Variants in CDS1 observed in about 807,000 individuals in gnomAD.
CDS1 encodes phosphatidate cytidylyltransferase 1.
In CDS1, 41 loss-of-function variants were observed where a neutral mutation model predicts 62.1. The observed-to-expected ratio is 0.66, with a 90% confidence interval of 0.51 to 0.86. The LOEUF is 0.86. CDS1 is among the 40% of genes least tolerant of loss of function. The probability of loss-of-function intolerance (pLI) is 0.00; values close to 1 mark genes in which losing one functional copy is unlikely to be tolerated. For missense variants in CDS1, 470 were observed against 550.1 expected (o/e 0.85, Z 1.46); for synonymous variants, 185 against 192.6 (o/e 0.96, Z 0.32).
chr4:84,637,933 A>T (rs968998413), intron 8 of CDS1, among the ~76,000 whole-genome samples: 7 of 152,186 alleles, frequency 4.6e-5, no homozygotes. Context: ...CAGAATTGTT[A>T]TCAGATTTGT....
chr4:84,648,750 TATAA>T lies in CDS1; in HGVS notation c.*67_*70del. 6.7e-7 allele frequency: 1 copy of T among 1,503,400 alleles called. No homozygotes were observed. The highest frequency in any genetic ancestry group is 9.0e-7 in the Non-Finnish European group (1 of 1,110,216). The allele number at this position is 1,503,400 out of a possible 1,614,324, so 93.1% of individuals were successfully genotyped here. On this transcript the variant is annotated 3_prime_UTR_variant, in exon 13 of 13. Transcript: ENST00000295887. The stretch of plus-strand genomic sequence containing the variant: ...TTCAGAAAAACACTGACAGATGTTT[TATAA>T]ATTGTACAGAAAAATAGTTAAAAAT...
intron 1 of CDS1, 137 bp downstream of exon 1, chr4:84,583,655 G>A (rs1339467809): frequency 1.8e-6 from 1 of 566,668 alleles, no homozygotes; most frequent in South Asian, 2.2e-5. Context: ...TCCCTGCCTG[G>A]CACTGCTTCC....
rs1218912552 is a variant in CDS1, at chr4:84,649,098, GT to G, written c.*416del. 1 of 155,250 alleles carries G rather than the reference GT, an allele frequency of 6.4e-6. No homozygotes were observed. Among genetic ancestry groups the G allele is most frequent in the African/African-American group, 2.4e-5 (1 of 41,332 alleles). The allele number at this position is 155,250 out of a possible 1,614,324, so 9.6% of individuals were successfully genotyped here. On this transcript the variant is annotated 3_prime_UTR_variant, in exon 13 of 13. Transcript: ENST00000295887. ...GAGCTGCTTTTAATTTTAGCAAAATGTTTTATGCAAGGCACAATAGGAAGTC... is the reference window on the plus strand; with the variant it reads ...GAGCTGCTTTTAATTTTAGCAAAATGTTTATGCAAGGCACAATAGGAAGTC...
chr4:84,589,792 TGGTTTAAG>T (rs900061793), intron 1 of CDS1, among the ~76,000 whole-genome samples: 1 of 152,086 alleles, frequency 6.6e-6, no homozygotes, highest in Non-Finnish European at 1.5e-5. Flanking sequence ...ATTGGAAGTT[TGGTTTAAG>T]GCAGGTCTTT....
intron 8 of CDS1, among the ~76,000 whole-genome samples, chr4:84,638,349 A>G (rs1461214402): frequency 1.3e-5 from 2 of 152,232 alleles, no homozygotes; most frequent in African/African-American, 4.8e-5. Flanking sequence ...AAGAGAGGAT[A>G]TGTCAATACT....
At chr4:84,627,303 C>T (rs995520644) in intron 5 of CDS1, among the ~76,000 whole-genome samples, 2 of 152,148 alleles carry the variant, frequency 1.3e-5, no homozygotes, top group Non-Finnish European at 2.9e-5. Context: ...TACAAAATGT[C>T]TCACTGACTA....
At chr4:84,589,617 A>G (rs1297106334) in intron 1 of CDS1, among the ~76,000 whole-genome samples, 1 of 152,184 alleles carries the variant, frequency 6.6e-6, no homozygotes, top group Non-Finnish European at 1.5e-5. Context: ...CAGCATATTC[A>G]TTTCATTTAA....
intron 1 of CDS1, among the ~76,000 whole-genome samples, chr4:84,596,156 T>A (rs1219436991): frequency 6.6e-6 from 1 of 152,184 alleles, no homozygotes; most frequent in East Asian, 1.9e-4. Flanking sequence ...TGGGTGAGAC[T>A]GCTGGGTGAA....
chr4:84,596,226 G>A (rs1478265351), intron 1 of CDS1, among the ~76,000 whole-genome samples: 1 of 152,164 alleles, frequency 6.6e-6, no homozygotes, highest in African/African-American at 2.4e-5. Flanking sequence ...AAAATGGGCT[G>A]AGGAGCTCCC....
intron 5 of CDS1, among the ~76,000 whole-genome samples, chr4:84,630,105 C>CAGCATAG (rs1401121379): frequency 1.2e-4 from 19 of 152,240 alleles, no homozygotes; most frequent in African/African-American, 4.1e-4. Context: ...GGCACAAAAA[C>CAGCATAG]AGCATAGAAA....
intron 1 of CDS1, among the ~76,000 whole-genome samples, chr4:84,586,492 C>T (rs1003589694): frequency 1.3e-5 from 2 of 152,138 alleles, no homozygotes; most frequent in South Asian, 2.1e-4. Flanking sequence ...CAACAGGGTT[C>T]AAGCTCCTGT....
At position 84,635,624 on chromosome 4, in the gene CDS1, TGCCTTCCTTCCTTCC is replaced by T. The variant is rs1560481568; in HGVS notation, c.810+274_810+288del. ...CTGCCTGCCTGCCTGCCTGCCTGCC[TGCCTTCCTTCCTTCC>T]TTCCTTCCTTCCTTCCTTCCTTCCT... is the stretch of plus-strand genomic sequence containing the variant. On this transcript the variant is annotated intron_variant, in intron 8 of 12. Coordinates refer to ENST00000295887, the MANE Select transcript of CDS1 (RefSeq NM_001263.4). 6.6e-3 allele frequency among the ~76,000 whole-genome samples: 715 copies of T among 108,262 alleles called. 18 individuals carry two copies. Among genetic ancestry groups the T allele is most frequent in the South Asian group, 0.013 (36 of 2,750 alleles). The allele number at this position is 108,262 out of a possible 152,430, so 71.0% of individuals were successfully genotyped here. A position where few individuals can be genotyped will look rare whatever the true frequency, so the allele number is the denominator to read the frequency against.
chr4:84,626,172 AAAAC>A (rs373923054), intron 5 of CDS1, among the ~76,000 whole-genome samples: 45 of 152,318 alleles, frequency 3.0e-4, no homozygotes, highest in East Asian at 1.9e-3. Flanking sequence ...CATTTCAAAA[AAAAC>A]AAACAAACAA....
chr4:84,583,310 G>A lies in CDS1; in HGVS notation c.-92G>A. On this transcript the variant is annotated 5_prime_UTR_variant, in exon 1 of 13. Coordinates refer to ENST00000295887, the MANE Select transcript of CDS1 (RefSeq NM_001263.4). ...CCGCGGGACTCCAGGGCGCGGCTGC[G>A]AGGTGGCGGGGCGCCCCGCCTGCAG... The A allele has an allele frequency of 2.2e-6, 2 of 896,634 alleles. No individual in the cohort carries two copies. The highest frequency in any genetic ancestry group is 3.4e-6 in the Non-Finnish European group (2 of 580,158). The allele number at this position is 896,634 out of a possible 1,614,324, so 55.5% of individuals were successfully genotyped here.
intron 3 of CDS1, among the ~76,000 whole-genome samples, chr4:84,611,546 GA>G (rs993860278): frequency 4.6e-5 from 7 of 151,870 alleles, no homozygotes; most frequent in South Asian, 2.1e-4. Context: ...TAGACATGAT[GA>G]AAAAAAATTC....
chr4:84,594,934 G>A (rs1034494923), intron 1 of CDS1, among the ~76,000 whole-genome samples: 1 of 152,112 alleles, frequency 6.6e-6, no homozygotes, highest in African/African-American at 2.4e-5. Context: ...GTCCAGGCTG[G>A]TCTCAAACTC....
chr4:84,645,982 T>C (rs1724548048), intron 12 of CDS1, among the ~76,000 whole-genome samples: 1 of 152,158 alleles, frequency 6.6e-6, no homozygotes, highest in Non-Finnish European at 1.5e-5. Flanking sequence ...CTTAATGTTT[T>C]GGATCTGCCT....
At chr4:84,606,197 A>G (rs906248769) in intron 2 of CDS1, among the ~76,000 whole-genome samples, 3 of 152,176 alleles carry the variant, frequency 2.0e-5, no homozygotes, top group African/African-American at 4.8e-5. Flanking sequence ...TAGTAATTAC[A>G]TAAGAAATGT....
intron 1 of CDS1, among the ~76,000 whole-genome samples, chr4:84,592,805 A>G (rs1280876730): frequency 1.3e-5 from 2 of 152,126 alleles, no homozygotes; most frequent in African/African-American, 2.4e-5. Flanking sequence ...GCCGGAACCC[A>G]TGGCCAACTA....
Sources: allele counts gnomAD v4.1 joint callset (sites outside exome capture counted in the v4.1 genomes callset), GRCh38; gene constraint gnomAD v4.1.1; transcripts MANE v1.5; gene names NCBI Gene and HGNC (gene_info 2026-07-23, HGNC 2026-07-21).